Variants in TMPRSS9 observed in about 807,000 individuals in gnomAD.
TMPRSS9 encodes transmembrane serine protease 9.
A neutral mutation model predicts 111.4 loss-of-function variants in TMPRSS9; 113 were observed. That is an observed-to-expected ratio of 1.01 (90% CI 0.87 to 1.19). The LOEUF (loss-of-function observed/expected upper bound fraction) is 1.19. Among genes scored for constraint, TMPRSS9 ranks in the 50% most tolerant of loss-of-function variants. The pLI is 0.00. For synonymous variants in TMPRSS9, 805 were observed against 659.1 expected (o/e 1.22, Z -3.39); for missense variants, 1,803 against 1,513.1 (o/e 1.19, Z -3.18).
chr19:2,425,529 C>T, intron 17 of TMPRSS9, 36 bp downstream of exon 18: 1 of 1,503,582 alleles, frequency 6.7e-7, no homozygotes, highest in South Asian at 1.2e-5. Context: ...CCAGGTCCCG[C>T]CCAGCCGCCG....
chr19:2,400,541 C>CA (rs59218931), intron 4 of TMPRSS9, among the ~76,000 whole-genome samples: 53,526 of 149,722 alleles, frequency 0.36, 9,807 homozygotes, highest in East Asian at 0.56. Flanking sequence ...GACTCCATCT[C>CA]AAAAAAAAAT....
intron 2 of TMPRSS9, among the ~76,000 whole-genome samples, chr19:2,397,727 C>G (rs1970739776): frequency 6.6e-6 from 1 of 151,510 alleles, no homozygotes; most frequent in Non-Finnish European, 1.5e-5. Flanking sequence ...TGAGACCAGC[C>G]TGAGCAACAT....
intron 6 of TMPRSS9, among the ~76,000 whole-genome samples, chr19:2,404,906 T>C (rs1053283305): frequency 8.6e-5 from 12 of 139,346 alleles, no homozygotes; most frequent in Non-Finnish European, 1.7e-4. Context: ...CACTCCAGCC[T>C]GGACAACAGA....
intron 9 of TMPRSS9, among the ~76,000 whole-genome samples, chr19:2,411,486 C>T (rs1338435333): frequency 5.4e-5 from 8 of 148,206 alleles, no homozygotes; most frequent in Non-Finnish European, 1.2e-4. Flanking sequence ...CAACCTCCGC[C>T]TCCCAGGTTC....
chr19:2,405,256 C>T (rs1029172172), intron 6 of TMPRSS9, 118 bp from the exon 8 acceptor site: 10 of 1,365,996 alleles, frequency 7.3e-6, no homozygotes, highest in Non-Finnish European at 9.6e-6. Flanking sequence ...GGAGGGGCCC[C>T]CAAGCATCTC....
At chr19:2,403,091 C>T (rs1312038423) in exon 6 of TMPRSS9, 3 of 1,610,032 alleles carry the variant, frequency 1.9e-6, no homozygotes, top group Admixed American at 3.4e-5. Context: ...GGCCGCTGTC[C>T]AGGGAACTCC....
intron 13 of TMPRSS9, among the ~76,000 whole-genome samples, chr19:2,420,109 CTG>C (rs1971428615): frequency 6.6e-6 from 1 of 152,082 alleles, no homozygotes; most frequent in African/African-American, 2.4e-5. Flanking sequence ...CTGCAGTAAA[CTG>C]TGATCACACA....
chr19:2,421,912 G>C, exon 14 of TMPRSS9: 1 of 1,613,004 alleles, frequency 6.2e-7, no homozygotes, highest in Admixed American at 1.7e-5. Flanking sequence ...TATCTGGCAG[G>C]GATCGTGAGC....
At chr19:2,390,040 G>A in intron 1 of TMPRSS9, 113 bp downstream of exon 2, 2 of 1,411,336 alleles carry the variant, frequency 1.4e-6, no homozygotes, top group Non-Finnish European at 9.7e-7. Context: ...GCAGTGTCTA[G>A]GCGTGGAGAT....
At chr19:2,371,320 C>T (rs777943757) in intron 1 of TMPRSS9, among the ~76,000 whole-genome samples, 4 of 152,280 alleles carry the variant, frequency 2.6e-5, no homozygotes, top group South Asian at 2.1e-4. Context: ...GGCCCCCACA[C>T]GGCTCCAGAT....
chr19:2,360,910 G>A (rs1222375705), intron 1 of TMPRSS9, among the ~76,000 whole-genome samples: 1 of 151,254 alleles, frequency 6.6e-6, no homozygotes, highest in Non-Finnish European at 1.5e-5. Flanking sequence ...GGACGTAGCC[G>A]GGATTGTGTG....
At position 2,368,774 on chromosome 19, in the gene TMPRSS9, G is replaced by GTTTTTTTTTTTTTTTTTTTTTTTTTTTT. The variant is rs762761358; in HGVS notation, c.-26+8441_-26+8442insTTTTTTTTTTTTTTTTTTTTTTTTTTTT. ...TGCCAGGGCATCAAGGATAAACCCA[G>GTTTTTTTTTTTTTTTTTTTTTTTTTTTT]TTTTTTTTTTTTTTTTTTTTTTTTT... On this transcript the variant is annotated intron_variant, in intron 1 of 17. Transcript: ENST00000649857. 7.1e-5 allele frequency among the ~76,000 whole-genome samples: 5 copies of GTTTTTTTTTTTTTTTTTTTTTTTTTTTT among 70,384 alleles called. 1 individual carries two copies. Among genetic ancestry groups the GTTTTTTTTTTTTTTTTTTTTTTTTTTTT allele is most frequent in the African/African-American group, 1.2e-4 (2 of 16,558 alleles). The allele number at this position is 70,384 out of a possible 152,430, so 46.2% of individuals were successfully genotyped here. A position where few individuals can be genotyped will look rare whatever the true frequency, so the allele number is the denominator to read the frequency against.
intron 4 of TMPRSS9, among the ~76,000 whole-genome samples, chr19:2,401,085 T>C (rs187218963): frequency 2.6e-4 from 37 of 141,762 alleles, no homozygotes; most frequent in Non-Finnish European, 4.4e-4. Context: ...CCATCCTGGC[T>C]AACACGGTGA....
At chr19:2,383,713 A>G (rs1191734783) in intron 1 of TMPRSS9, among the ~76,000 whole-genome samples, 1 of 142,338 alleles carries the variant, frequency 7.0e-6, no homozygotes, top group Non-Finnish European at 1.5e-5. Context: ...CTGAGGTGGG[A>G]GGATCGCTTG....
chr19:2,403,057 A>G, intron 5 of TMPRSS9, 25 bp from the exon 7 acceptor site: 33 of 1,580,330 alleles, frequency 2.1e-5, no homozygotes, highest in Non-Finnish European at 2.8e-5. Flanking sequence ...ATGAGGTCAG[A>G]AAGTCGGTTC....
intron 1 of TMPRSS9, among the ~76,000 whole-genome samples, chr19:2,363,949 T>G (rs1023007348): frequency 4.6e-5 from 7 of 151,606 alleles, no homozygotes; most frequent in Non-Finnish European, 2.9e-5. Flanking sequence ...TACCCTGGGA[T>G]TATTGGGAGG....
intron 2 of TMPRSS9, among the ~76,000 whole-genome samples, chr19:2,397,600 C>T (rs1970737592): frequency 6.6e-6 from 1 of 151,992 alleles, no homozygotes; most frequent in Non-Finnish European, 1.5e-5. Context: ...GACGTGTGAC[C>T]ACATCAGCAA....
At chr19:2,425,416 C>T (rs745722388) in exon 17 of TMPRSS9, 17 of 1,580,426 alleles carry the variant, frequency 1.1e-5, no homozygotes, top group Admixed American at 8.6e-5. Flanking sequence ...GCAGACCTGC[C>T]GCCGCTTCTA....
intron 8 of TMPRSS9, among the ~76,000 whole-genome samples, 187 bp downstream of exon 9, chr19:2,408,817 A>G (rs1971027785): frequency 7.8e-6 from 1 of 127,608 alleles, no homozygotes; most frequent in Non-Finnish European, 1.6e-5. Flanking sequence ...TCTACTAAAA[A>G]ATACACACAC....
Sources: allele counts gnomAD v4.1 joint callset (sites outside exome capture counted in the v4.1 genomes callset), GRCh38; gene constraint gnomAD v4.1.1; transcripts MANE v1.5; gene names NCBI Gene and HGNC (gene_info 2026-07-23, HGNC 2026-07-21).